The following PARL variants were observed in gnomAD, a reference collection of about 807,000 sequenced individuals.
PARL encodes presenilin-associated rhomboid-like protein, mitochondrial.
A neutral mutation model predicts 51.6 loss-of-function variants in PARL; 44 were observed. That is an observed-to-expected ratio of 0.85 (90% CI 0.67 to 1.10). The LOEUF is 1.10. PARL is among the 50% of genes least tolerant of loss of function. The pLI is 0.00. For synonymous variants in PARL, 172 were observed against 164.0 expected (o/e 1.05, Z -0.37); for missense variants, 441 against 469.5 (o/e 0.94, Z 0.56).
chr3:183,874,605 C>T (rs982919879), intron 1 of PARL, among the ~76,000 whole-genome samples: 17 of 152,066 alleles, frequency 1.1e-4, no homozygotes, highest in Non-Finnish European at 1.6e-4. Flanking sequence ...GATGGGGTTT[C>T]GCCATGTTGG....
chr3:183,842,817 A>AAAAAAG, intron 5 of PARL, among the ~76,000 whole-genome samples: 1 of 86,458 alleles, frequency 1.2e-5, no homozygotes, highest in African/African-American at 4.8e-5. Context: ...CAAAAAAAAA[A>AAAAAAG]AAAAAAAAAA....
At chr3:183,846,502 A>C (rs1205771600) in intron 4 of PARL, 13 of 985,216 alleles carry the variant, frequency 1.3e-5, no homozygotes, top group Non-Finnish European at 1.6e-5. Flanking sequence ...AAAAAAAAAA[A>C]AAGCGGGGGG....
rs116301712 is a variant in PARL at position 183,830,452 on chromosome 3, C to T, written c.1029-743G>A. Among the ~76,000 whole-genome samples, 882 of 152,174 alleles carry T rather than the reference C, an allele frequency of 5.8e-3. 2 individuals carry two copies. Among genetic ancestry groups the T allele is most frequent in the Middle Eastern group, 0.037 (11 of 294 alleles). On this transcript the variant is annotated intron_variant, in intron 9 of 9. Transcript: ENST00000317096. Reference sequence around the variant, plus strand: ...CTTCTGTGAGCTGGGGAGCACACTGCGCTCTGGGAAGGGCCTGCCTTGGAG... The same window carrying T: ...CTTCTGTGAGCTGGGGAGCACACTGTGCTCTGGGAAGGGCCTGCCTTGGAG...
At chr3:183,844,452 G>A in intron 4 of PARL, 126 bp from the exon 5 acceptor site, 3 of 691,632 alleles carry the variant, frequency 4.3e-6, no homozygotes, top group Non-Finnish European at 7.7e-6. Context: ...GGGATAGGGG[G>A]TGAGCCAAAA....
chr3:183,872,607 A>C (rs1439971950), intron 1 of PARL, among the ~76,000 whole-genome samples: 1 of 152,172 alleles, frequency 6.6e-6, no homozygotes, highest in Non-Finnish European at 1.5e-5. Flanking sequence ...TGAATAGCTA[A>C]TCCCAAATCT....
At chr3:183,860,369 GAA>G (rs376912180) in intron 4 of PARL, among the ~76,000 whole-genome samples, 71 of 152,312 alleles carry the variant, frequency 4.7e-4, no homozygotes, top group Middle Eastern at 3.4e-3. Context: ...TTTCCTACAA[GAA>G]AAGTCTGAGG....
intron 1 of PARL, among the ~76,000 whole-genome samples, chr3:183,871,198 CAAAGTAAGGTAGTACTATACTG>C (rs1733164703): frequency 1.3e-5 from 2 of 151,874 alleles, no homozygotes; most frequent in Non-Finnish European, 2.9e-5. Flanking sequence ...GTACTATACT[CAAAGTAAGGTAGTACTATACTG>C]AAAGTAAGGT....
chr3:183,869,199 A>G (rs1027844801), intron 1 of PARL, among the ~76,000 whole-genome samples: 1 of 152,134 alleles, frequency 6.6e-6, no homozygotes, highest in Non-Finnish European at 1.5e-5. Flanking sequence ...TACCCTGAAC[A>G]TATTATCCCT....
chr3:183,830,160 T>C (rs530580327), intron 9 of PARL, among the ~76,000 whole-genome samples: 1 of 152,348 alleles, frequency 6.6e-6, no homozygotes, highest in South Asian at 2.1e-4. Context: ...CCTCCCGTCA[T>C]CTTCCTCCTA....
intron 1 of PARL, among the ~76,000 whole-genome samples, chr3:183,879,223 G>A (rs941118520): frequency 2.0e-5 from 3 of 152,192 alleles, no homozygotes; most frequent in African/African-American, 2.4e-5. Context: ...CCAAGCCCAC[G>A]ATTGGCTTAA....
Position 183,829,514 on chromosome 3 carries a change from C to T in PARL, c.*84G>A, listed in dbSNP as rs1727667800. 4.3e-6 allele frequency: 7 copies of T among 1,613,204 alleles called. No homozygotes were observed. Among genetic ancestry groups the T allele is most frequent in the South Asian group, 3.3e-5 (3 of 91,012 alleles). On this transcript the variant is annotated 3_prime_UTR_variant, in exon 10 of 10. Transcript: ENST00000317096. ...GATGCTGGCATCTTCCAGACGGGAG[C>T]ATAGCCATGGTCACTCTAGCCGATG...
At chr3:183,826,845 C>G (rs1057188617), downstream of PARL, 5 of 891,472 alleles carry the variant, frequency 5.6e-6, no homozygotes, top group African/African-American at 9.0e-5. Flanking sequence ...TTCTCCATCT[C>G]GCAGGAAAAG....
At chr3:183,852,472 T>G (rs1452105465) in intron 4 of PARL, among the ~76,000 whole-genome samples, 1 of 152,100 alleles carries the variant, frequency 6.6e-6, no homozygotes, top group Non-Finnish European at 1.5e-5. Context: ...GAAAGTAGAA[T>G]GCGGTTACTA....
At chr3:183,847,725 C>T (rs144104568) in intron 4 of PARL, among the ~76,000 whole-genome samples, 61 of 152,212 alleles carry the variant, frequency 4.0e-4, no homozygotes, top group Middle Eastern at 3.4e-3. Context: ...TGTCACTTAG[C>T]AGTTTTGTGG....
intron 1 of PARL, among the ~76,000 whole-genome samples, chr3:183,876,610 T>TAAACAAAAAAAAAAAAAAAAAAAA (rs1733845419): frequency 1.1e-5 from 1 of 91,828 alleles, no homozygotes; most frequent in Non-Finnish European, 2.0e-5. Context: ...ATACATTTTG[T>TAAACAAAAAAAAAAAAAAAAAAAA]AAAAAAAAAA....
chr3:183,829,608 C>T lies in PARL; in HGVS notation c.1130G>A (p.Gly377Asp), dbSNP rs949084356. ...TGTCCAATCCCAGTTTTACTTAGAG[C>T]CACCTCCTTTTTTGGGGCCATTAGT... Reference protein sequence around the residue: ...IRTNGPKKGGGSK With the variant: ...IRTNGPKKGGDSK The change falls in exon 10 of 10, where the codon GGC becomes GAC. Residue 377 changes from glycine (G) to aspartate (D), a missense_variant. Gly to Asp is a moderately conservative substitution (Grantham distance 94, BLOSUM62 -1). Transcript: ENST00000317096. The T allele has an allele frequency of 2.5e-6, 4 of 1,614,132 alleles. No individual in the cohort carries two copies. Among genetic ancestry groups the T allele is most frequent in the Non-Finnish European group, 3.4e-6 (4 of 1,180,002 alleles).
At chr3:183,881,401 C>A (rs377390147) in intron 1 of PARL, among the ~76,000 whole-genome samples, 13 of 152,342 alleles carry the variant, frequency 8.5e-5, no homozygotes, top group Admixed American at 4.6e-4. Flanking sequence ...GGATTACAGG[C>A]GTGAGCCACT....
chr3:183,881,879 G>T (rs569475219), intron 1 of PARL, among the ~76,000 whole-genome samples: 4 of 151,976 alleles, frequency 2.6e-5, no homozygotes, highest in Non-Finnish European at 5.9e-5. Context: ...TAATATATAC[G>T]ATTGACTAAT....
chr3:183,829,976 G>A (rs1727736663), intron 9 of PARL, among the ~76,000 whole-genome samples: 1 of 149,760 alleles, frequency 6.7e-6, no homozygotes, highest in South Asian at 2.1e-4. Context: ...TGCAAGTTAA[G>A]TATCAGTTTT....
Sources: gnomAD v4.1 joint callset for allele counts (sites outside exome capture counted in the v4.1 genomes callset) on GRCh38, gnomAD v4.1.1 for gene constraint, MANE v1.5 for transcripts, NCBI Gene and HGNC (gene_info 2026-07-23, HGNC 2026-07-21) for gene names.